FOSL2: variants seen among roughly 807,000 people sequenced by gnomAD.
FOSL2 encodes fos-related antigen 2.
In FOSL2, 3 loss-of-function variants were observed where a neutral mutation model predicts 27.7. The ratio of observed to expected loss-of-function variants is 0.11; its 90% CI spans 0.05 to 0.28. The LOEUF (loss-of-function observed/expected upper bound fraction) is 0.28, where lower values mean the gene tolerates loss of function less well. Ranked by LOEUF, FOSL2 falls within the 10% of genes least tolerant of loss-of-function variation. FOSL2 has a pLI of 1.00. For synonymous variants in FOSL2, 179 were observed against 190.1 expected, an observed-to-expected ratio of 0.94 and a Z score of 0.48; for missense variants, 333 against 445.1, an observed-to-expected ratio of 0.75 and a Z score of 2.27.
At position 28,404,313 on chromosome 2, in the gene FOSL2, C is replaced by A; in HGVS notation, c.309C>A (p.Ile103=). Residue 103 remains isoleucine, a synonymous_variant, in exon 2 of 4, where the codon ATC becomes ATA. Coordinates refer to ENST00000264716, the MANE Select transcript of FOSL2 (RefSeq NM_005253.4). This position sits in a 1 kb window ranked among gnomAD's most constrained non-coding sequence, Gnocchi z 4.7. ...TGGCCCTCCCAAGACCTGGCGTGATCAAGACCATTGGCACCACCGTGGGCC... is the reference window on the plus strand; with the variant it reads ...TGGCCCTCCCAAGACCTGGCGTGATAAAGACCATTGGCACCACCGTGGGCC... ...GHMALPRPGV[I]KTIGTTVGRR... 1 of 1,614,170 alleles carries A rather than the reference C, an allele frequency of 6.2e-7. No individual in the cohort carries two copies. Among genetic ancestry groups the A allele is most frequent in the East Asian group, 2.2e-5 (1 of 44,880 alleles).
At chr2:28,403,585 C>A (rs762888689) in intron 1 of FOSL2, among the ~76,000 whole-genome samples, 43 of 152,300 alleles carry the variant, frequency 2.8e-4, no homozygotes, top group Middle Eastern at 3.4e-3. Context: ...CTGTCCTGAA[C>A]CTCTTTGGAA....
rs1359893823 is a variant in FOSL2, at chr2:28,393,885, C to G, written c.102+63C>G. On this transcript the variant is annotated intron_variant, in intron 1 of 3. Coordinates refer to ENST00000264716, the MANE Select transcript of FOSL2 (RefSeq NM_005253.4). The surrounding 1 kb of genome is among the most constrained non-coding windows in gnomAD (Gnocchi z 4.6). ...GACCCCTGCCCTCTTCTCGCCGCCA[C>G]TGCCTCTTTTGCTTTCTTTTCTTTT... is the stretch of plus-strand genomic sequence containing the variant. 1 of 1,086,174 alleles carries G rather than the reference C, an allele frequency of 9.2e-7. No individual in the cohort carries two copies. Among genetic ancestry groups the G allele is most frequent in the African/African-American group, 1.6e-5 (1 of 61,078 alleles). The allele number at this position is 1,086,174 out of a possible 1,614,324, so 67.3% of individuals were successfully genotyped here.
rs761484206 is a variant in FOSL2 at position 28,393,871 on chromosome 2, T to A, written c.102+49T>A. On this transcript the variant is annotated intron_variant, in intron 1 of 3. Coordinates refer to ENST00000264716, the MANE Select transcript of FOSL2 (RefSeq NM_005253.4). The surrounding 1 kb of genome is among the most constrained non-coding windows in gnomAD (Gnocchi z 4.6). ...TGGCGGCGCGGGCGGACCCCTGCCCTCTTCTCGCCGCCACTGCCTCTTTTG... is the reference window on the plus strand; with the variant it reads ...TGGCGGCGCGGGCGGACCCCTGCCCACTTCTCGCCGCCACTGCCTCTTTTG... 6.4e-6 allele frequency: 8 copies of A among 1,248,746 alleles called. No homozygotes were observed. The highest frequency in any genetic ancestry group is 4.6e-5 in the Admixed American group (2 of 43,176). The allele number at this position is 1,248,746 out of a possible 1,614,324, so 77.4% of individuals were successfully genotyped here. A position where few individuals can be genotyped will look rare whatever the true frequency, so the allele number is the denominator to read the frequency against.
intron 1 of FOSL2, among the ~76,000 whole-genome samples, chr2:28,400,446 C>CGTTTCTGAATAACAT (rs1364635049): frequency 1.1e-5 from 1 of 92,554 alleles, no homozygotes. Flanking sequence ...CTGAATAACA[C>CGTTTCTGAATAACAT]GTTTCTGAAT....
At position 28,393,674 on chromosome 2, in the gene FOSL2, G is replaced by T; in HGVS notation, c.-47G>T. On this transcript the variant is annotated 5_prime_UTR_variant, in exon 1 of 4. Coordinates refer to ENST00000264716, the MANE Select transcript of FOSL2 (RefSeq NM_005253.4). This position sits in a 1 kb window ranked among gnomAD's most constrained non-coding sequence, Gnocchi z 4.6. The stretch of plus-strand genomic sequence containing the variant: ...GCCGGTGCGCGGCCGCGGCGAGGGC[G>T]GGGGAAGAAAAACACCCTGTTTCCT... The T allele has an allele frequency of 7.1e-7, 1 of 1,413,782 alleles. No homozygotes were observed. The allele number at this position is 1,413,782 out of a possible 1,614,324, so 87.6% of individuals were successfully genotyped here. A position where few individuals can be genotyped will look rare whatever the true frequency, so the allele number is the denominator to read the frequency against.
intron 3 of FOSL2, among the ~76,000 whole-genome samples, chr2:28,409,204 G>A (rs1259005318): frequency 5.9e-5 from 9 of 152,110 alleles, no homozygotes; most frequent in Non-Finnish European, 1.3e-4. Context: ...ATGGAGGGTG[G>A]GAGCCAGGGC....
chr2:28,402,957 G>A (rs1664005384), intron 1 of FOSL2, among the ~76,000 whole-genome samples: 2 of 152,204 alleles, frequency 1.3e-5, no homozygotes, highest in Admixed American at 6.5e-5. Context: ...GGTAAGCCAT[G>A]GTGTCTGACA....
In FOSL2 at chr2:28,393,838, G is replaced by C. The variant is rs927956398; in HGVS notation, c.102+16G>C. 1 of 1,563,572 alleles carries C rather than the reference G, an allele frequency of 6.4e-7. No homozygotes were observed. Among genetic ancestry groups the C allele is most frequent in the Non-Finnish European group, 8.7e-7 (1 of 1,150,288 alleles). ...CGGCCAGCAGGTAGGTGCGGGCCCC[G>C]GTGCACCTGGCGGCGCGGGCGGACC... On this transcript the variant is annotated intron_variant, in intron 1 of 3. Transcript: ENST00000264716. The surrounding 1 kb of genome is among the most constrained non-coding windows in gnomAD (Gnocchi z 4.6).
chr2:28,402,744 A>C (rs1397245422), intron 1 of FOSL2, among the ~76,000 whole-genome samples: 1 of 152,210 alleles, frequency 6.6e-6, no homozygotes, highest in African/African-American at 2.4e-5. Flanking sequence ...GGAAGAAAGC[A>C]ATGGAAAAGG....
intron 1 of FOSL2, chr2:28,394,789 G>C (rs886181361): frequency 6.6e-6 from 1 of 152,328 alleles, no homozygotes; most frequent in Non-Finnish European, 1.5e-5. Flanking sequence ...TCTGTCTCGA[G>C]AGAGAGCTGG....
At chr2:28,394,005 A>G (rs1235671752) in intron 1 of FOSL2, among the ~76,000 whole-genome samples, 183 bp downstream of exon 1, 1 of 131,712 alleles carries the variant, frequency 7.6e-6, no homozygotes, top group African/African-American at 2.8e-5. Flanking sequence ...GGGATTGGAG[A>G]GTGGGCTTGA....
chr2:28,406,961 G>T (rs1025693502), intron 2 of FOSL2, among the ~76,000 whole-genome samples: 4 of 152,152 alleles, frequency 2.6e-5, no homozygotes, highest in Non-Finnish European at 5.9e-5. Context: ...GTGGGTACAT[G>T]GTGCTGCTGA....
Position 28,404,120 on chromosome 2 carries a change from A to T in FOSL2, c.116A>T (p.Asp39Val). ...GGGGQQKFRV[D>V]MPGSGSAFIP... ...TCCTCATTTCAGAAATTCCGGGTAG[A>T]TATGCCTGGCTCAGGCAGTGCATTC... Residue 39 changes from aspartate to valine, a missense_variant, in exon 2 of 4, where the codon GAT (aspartate) becomes GTT (valine). Transcript: ENST00000264716. This position sits in a 1 kb window ranked among gnomAD's most constrained non-coding sequence, Gnocchi z 4.7. 1 of 1,614,132 alleles carries T rather than the reference A, an allele frequency of 6.2e-7. No homozygotes were observed. The highest frequency in any genetic ancestry group is 8.5e-7 in the Non-Finnish European group (1 of 1,180,002).
intron 1 of FOSL2, among the ~76,000 whole-genome samples, chr2:28,400,508 T>G (rs1380140111): frequency 6.6e-6 from 1 of 152,134 alleles, no homozygotes; most frequent in Non-Finnish European, 1.5e-5. Flanking sequence ...ATTGAAACTT[T>G]TGTGTGTCTC....
At chr2:28,394,155 C>T (rs941613818) in intron 1 of FOSL2, among the ~76,000 whole-genome samples, 1 of 133,434 alleles carries the variant, frequency 7.5e-6, no homozygotes, top group Non-Finnish European at 1.6e-5. Context: ...CCCCCCACCC[C>T]TGCCCCGCGT....
In FOSL2 at chr2:28,393,239, C is replaced by T. The variant is rs562125065; in HGVS notation, c.-482C>T. 9.1e-6 allele frequency: 2 copies of T among 220,724 alleles called. No individual in the cohort carries two copies. The highest frequency in any genetic ancestry group is 1.8e-5 in the Non-Finnish European group (2 of 114,154). The allele number at this position is 220,724 out of a possible 1,614,324, so 13.7% of individuals were successfully genotyped here. A position where few individuals can be genotyped will look rare whatever the true frequency, so the allele number is the denominator to read the frequency against. On this transcript the variant is annotated 5_prime_UTR_variant, in exon 1 of 4. Coordinates refer to ENST00000264716, the MANE Select transcript of FOSL2 (RefSeq NM_005253.4). This position sits in a 1 kb window ranked among gnomAD's most constrained non-coding sequence, Gnocchi z 4.6. ...CGGCTCCTTTTCTAAAAGGAAGAAA[C>T]AGAAGTTTCTCCCAGCGGACAGCTT...
chr2:28,410,585 C>T, intron 3 of FOSL2: 8 of 962,478 alleles, frequency 8.3e-6, no homozygotes, highest in Non-Finnish European at 9.9e-6. Flanking sequence ...CGTATGTCCT[C>T]ACTGATGAAC....
At chr2:28,396,591 T>A (rs977354492) in intron 1 of FOSL2, among the ~76,000 whole-genome samples, 1 of 152,064 alleles carries the variant, frequency 6.6e-6, no homozygotes, top group African/African-American at 2.4e-5. Context: ...TACACAAACA[T>A]AGGTCATTTC....
At chr2:28,400,316 G>A (rs1663943341) in intron 1 of FOSL2, among the ~76,000 whole-genome samples, 2 of 152,222 alleles carry the variant, frequency 1.3e-5, no homozygotes, top group South Asian at 4.1e-4. Context: ...TTTATCTCCA[G>A]TGTGACATGT....
Sources: allele counts gnomAD v4.1 joint callset (sites outside exome capture counted in the v4.1 genomes callset), GRCh38; gene constraint gnomAD v4.1.1; non-coding constraint Gnocchi (gnomAD v3.1); transcripts MANE v1.5; gene names NCBI Gene and HGNC (gene_info 2026-07-23, HGNC 2026-07-21).